P4HA3: variants seen among roughly 807,000 people sequenced by gnomAD.
The protein encoded by P4HA3 is prolyl 4-hydroxylase subunit alpha-3.
A neutral mutation model predicts 66.7 loss-of-function variants in P4HA3; 60 were observed. That is an observed-to-expected ratio of 0.90 (90% CI 0.73 to 1.12). The LOEUF (loss-of-function observed/expected upper bound fraction) is 1.12, where lower values mean the gene tolerates loss of function less well. Ranked by LOEUF, P4HA3 falls within the 50% of genes most tolerant of loss-of-function variation. The pLI, the probability that P4HA3 is intolerant of heterozygous loss-of-function variation, is 0.00. For synonymous variants in P4HA3, 263 were observed against 274.6 expected (o/e 0.96, Z 0.42); for missense variants, 683 against 685.8 (o/e 1.00, Z 0.05).
intron 7 of P4HA3, chr11:74,285,483 A>T: frequency 4.8e-6 from 1 of 206,288 alleles, no homozygotes; most frequent in Non-Finnish European, 9.7e-6. Context: ...ACATACAATG[A>T]TATACACAGG....
chr11:74,284,190 A>G (rs555644048), intron 7 of P4HA3, among the ~76,000 whole-genome samples: 2 of 152,224 alleles, frequency 1.3e-5, no homozygotes, highest in Non-Finnish European at 2.9e-5. Context: ...TCTTGTTAAT[A>G]TTTAGCACAC....
chr11:74,291,656 G>C (rs545603609), intron 4 of P4HA3, among the ~76,000 whole-genome samples: 15 of 152,202 alleles, frequency 9.9e-5, no homozygotes, highest in South Asian at 4.1e-4. Context: ...TAGCATGAAG[G>C]GTTGTTGAAT....
chr11:74,270,507 T>C (rs1164365874), intron 10 of P4HA3, among the ~76,000 whole-genome samples: 1 of 139,922 alleles, frequency 7.1e-6, no homozygotes, highest in Non-Finnish European at 1.7e-5. Flanking sequence ...ATAATTATCA[T>C]TGTACCATCC....
Position 74,279,459 on chromosome 11 carries a change from G to T in P4HA3, c.1111-7C>A. On this transcript the variant is annotated splice_polypyrimidine_tract_variant and splice_region_variant and intron_variant, in intron 7 of 12. Transcript: ENST00000331597. ...CCACCACTGACCTCTGTAGCTGGTG[G>T]GAAGAATGTAAGACAAAGTCCAAGT... is the stretch of plus-strand genomic sequence containing the variant. The T allele has an allele frequency of 1.2e-6, 2 of 1,613,772 alleles. No homozygotes were observed. The highest frequency in any genetic ancestry group is 1.7e-6 in the Non-Finnish European group (2 of 1,179,728).
At chr11:74,252,792 G>C (rs1351533028) in intron 15 of P4HA3, among the ~76,000 whole-genome samples, 1 of 152,152 alleles carries the variant, frequency 6.6e-6, no homozygotes, top group Non-Finnish European at 1.5e-5. Context: ...AACAGGGCCA[G>C]GTCTCTCATC....
intron 5 of P4HA3, 113 bp downstream of exon 5, chr11:74,288,966 A>T (rs1860901621): frequency 9.6e-6 from 7 of 727,960 alleles, no homozygotes; most frequent in Non-Finnish European, 7.9e-6. Context: ...AAAAAAAAAA[A>T]GATAATAAAG....
At chr11:74,302,300 T>C in intron 3 of P4HA3, 69 bp downstream of exon 3, 1 of 1,332,244 alleles carries the variant, frequency 7.5e-7, no homozygotes, top group South Asian at 1.4e-5. Context: ...GTAAAATCAA[T>C]CGGTACATAG....
At chr11:74,264,347 C>G (rs748071912), downstream of P4HA3, among the ~76,000 whole-genome samples, 31 of 152,244 alleles carry the variant, frequency 2.0e-4, no homozygotes, top group Non-Finnish European at 3.1e-4. Flanking sequence ...TAAGGTGTTG[C>G]TATCCCTACA....
chr11:74,304,550 A>C, intron 1 of P4HA3, 138 bp from the exon 2 acceptor site: 1 of 1,024,046 alleles, frequency 9.8e-7, no homozygotes, highest in Non-Finnish European at 1.4e-6. Flanking sequence ...AGTCCAACCA[A>C]AAAGCCATGC....
chr11:74,306,827 T>C (rs1861594233), intron 1 of P4HA3, among the ~76,000 whole-genome samples: 1 of 152,074 alleles, frequency 6.6e-6, no homozygotes. Context: ...GGTCTCCCAG[T>C]GGGGAAATGG....
intron 10 of P4HA3, 63 bp from the exon 11 acceptor site, chr11:74,269,783 G>C: frequency 6.7e-7 from 1 of 1,496,050 alleles, no homozygotes; most frequent in Non-Finnish European, 9.3e-7. Context: ...CCTGTCATAT[G>C]ATGTCACATC....
intron 4 of P4HA3, among the ~76,000 whole-genome samples, chr11:74,290,911 T>C (rs1421278855): frequency 6.6e-6 from 1 of 152,240 alleles, no homozygotes; most frequent in African/African-American, 2.4e-5. Context: ...TGGCTTAGGA[T>C]TGACTTGGCG....
At chr11:74,293,369 C>G (rs1212019217) in intron 4 of P4HA3, among the ~76,000 whole-genome samples, 1 of 152,158 alleles carries the variant, frequency 6.6e-6, no homozygotes, top group East Asian at 1.9e-4. Context: ...TTCCTGAATA[C>G]AGCACACTGA....
chr11:74,288,246 G>C (rs73550754), intron 5 of P4HA3, among the ~76,000 whole-genome samples: 7,891 of 152,228 alleles, frequency 0.052, 519 homozygotes, highest in African/African-American at 0.15. Context: ...CTCCCTGAAG[G>C]GGGGTGATGC....
At chr11:74,297,349 CA>C (rs1157357736) in intron 4 of P4HA3, among the ~76,000 whole-genome samples, 1 of 152,146 alleles carries the variant, frequency 6.6e-6, no homozygotes, top group South Asian at 2.1e-4. Context: ...TCTGTTTGGG[CA>C]GCAACACATG....
Position 74,253,760 on chromosome 11 carries a change from G to A in P4HA3, c.*1319-5759C>T, listed in dbSNP as rs1163811998. On this transcript the variant is annotated intron_variant and NMD_transcript_variant, in intron 15 of 15. Transcript: ENST00000524388. ...GCTCCTTTCCCTTCCCTGTACTGGG[G>A]TAGCTCCTGCCTGCTCTCCCTGCGT... 1.9e-5 allele frequency: 11 copies of A among 582,834 alleles called. 1 individual carries two copies. Among genetic ancestry groups the A allele is most frequent in the Admixed American group, 3.1e-5 (1 of 32,748 alleles). 36.1% of individuals were successfully genotyped at this position (582,834 alleles called of 1,614,324 possible).
At chr11:74,289,198 T>A (rs1441322335) in intron 4 of P4HA3, 68 bp from the exon 5 acceptor site, 9 of 1,144,018 alleles carry the variant, frequency 7.9e-6, no homozygotes, top group South Asian at 3.9e-5. Flanking sequence ...GAACAAACCA[T>A]TAAATTAAAA....
chr11:74,251,825 C>T (rs756538871), intron 15 of P4HA3: 10 of 1,354,936 alleles, frequency 7.4e-6, no homozygotes, highest in Non-Finnish European at 1.1e-5. Context: ...GTTTGGTCAC[C>T]ATGCCTTTCT....
chr11:74,265,939 G>C (rs536559207), downstream of P4HA3, among the ~76,000 whole-genome samples: 4 of 152,332 alleles, frequency 2.6e-5, no homozygotes, highest in South Asian at 6.2e-4. Context: ...TTTCAATCCT[G>C]ATAAGTGTTA....
Sources: gnomAD v4.1 joint callset for allele counts (sites outside exome capture counted in the v4.1 genomes callset) on GRCh38, gnomAD v4.1.1 for gene constraint, MANE v1.5 for transcripts, NCBI Gene and HGNC (gene_info 2026-07-23, HGNC 2026-07-21) for gene names.